Variants in PRSS37 observed in about 807,000 individuals in gnomAD.
PRSS37 encodes probable inactive serine protease 37.
PRSS37 carries 25 observed loss-of-function variants against 28.0 expected under a neutral mutation model. The ratio of observed to expected loss-of-function variants is 0.89; its 90% confidence interval spans 0.65 to 1.25. PRSS37 has a LOEUF of 1.25. Among genes scored for constraint, PRSS37 ranks in the 50% most tolerant of loss-of-function variants. The pLI, the probability that PRSS37 is intolerant of heterozygous loss-of-function variation, is 0.00. For synonymous variants in PRSS37, 109 were observed against 107.8 expected (o/e 1.01, Z -0.07); for missense variants, 282 against 292.2 (o/e 0.97, Z 0.25).
chr7:141,840,859 G>A (rs1314537905), intron 1 of PRSS37, among the ~76,000 whole-genome samples, 157 bp downstream of exon 1: 1 of 152,158 alleles, frequency 6.6e-6, no homozygotes, highest in African/African-American at 2.4e-5. Flanking sequence ...AGCCTATCCG[G>A]AGAGCCTTTG....
At chr7:141,838,363 G>A (rs1300300234) in intron 2 of PRSS37, 2 of 1,352,788 alleles carry the variant, frequency 1.5e-6, no homozygotes, top group African/African-American at 1.5e-5. Context: ...TTAATGTTGT[G>A]TTCTTTAATG....
Position 141,837,204 on chromosome 7 carries a change from A to G in PRSS37, c.475T>C (p.Ser159Pro). 1 of 1,612,676 alleles carries G rather than the reference A, an allele frequency of 6.2e-7. No individual in the cohort carries two copies. Among genetic ancestry groups the G allele is most frequent in the South Asian group, 1.1e-5 (1 of 90,708 alleles). ...LRQNLEAPVMSDRECQKTEQG... is the reference protein window; with the variant it reads ...LRQNLEAPVMPDRECQKTEQG... ...TCTGTTTTTTGGCATTCTCGATCAG[A>G]CATCACGGGGGCCTCCAGGTTCTGC... Residue 159 changes from serine (S) to proline (P), a missense_variant, in exon 4 of 5, where the codon TCT becomes CCT. Coordinates refer to ENST00000350549, the MANE Select transcript of PRSS37 (RefSeq NM_001008270.3).
intron 3 of PRSS37, 112 bp from the exon 4 acceptor site, chr7:141,837,360 T>C: frequency 1.5e-6 from 2 of 1,333,458 alleles, no homozygotes; most frequent in Non-Finnish European, 2.0e-6. Context: ...TTAAAGAAAA[T>C]AAGGAATGCG....
chr7:141,840,149 C>T (rs527301650), intron 1 of PRSS37, among the ~76,000 whole-genome samples: 68 of 152,222 alleles, frequency 4.5e-4, no homozygotes, highest in African/African-American at 1.5e-3. Context: ...AAAGTGTTAG[C>T]ATGTGTTGAC....
Position 141,841,172 on chromosome 7 carries a change from C to T in PRSS37, c.-123G>A. The stretch of plus-strand genomic sequence containing the variant: ...GTGGCTATGGTTAGATACGGAGGCA[C>T]TCCATGGGATTGGAAAGCAGCTCTG... On this transcript the variant is annotated 5_prime_UTR_variant, in exon 1 of 5. It adds an upstream start codon to the 5' untranslated region. Transcript: ENST00000350549. 6.5e-7 allele frequency: 1 copy of T among 1,545,196 alleles called. No individual in the cohort carries two copies. The highest frequency in any genetic ancestry group is 8.8e-7 in the Non-Finnish European group (1 of 1,142,208).
At chr7:141,839,012 TAAAAA>T in intron 2 of PRSS37, 2 of 461,004 alleles carry the variant, frequency 4.3e-6, no homozygotes, top group Admixed American at 2.5e-5. Flanking sequence ...ATACTGCCAG[TAAAAA>T]AAAAAAAAGA....
At chr7:141,838,456 C>A in intron 2 of PRSS37, 4 of 1,170,522 alleles carry the variant, frequency 3.4e-6, no homozygotes. Context: ...TGGTGGAGAC[C>A]AGAGAATAAA....
chr7:141,836,689 C>T (rs1275342514), intron 4 of PRSS37, among the ~76,000 whole-genome samples, 154 bp from the exon 5 acceptor site: 1 of 152,138 alleles, frequency 6.6e-6, no homozygotes, highest in Admixed American at 6.5e-5. Context: ...GATGCTTGAG[C>T]CTTTTTTCTC....
chr7:141,839,097 G>C (rs1801072589), intron 2 of PRSS37: 2 of 632,182 alleles, frequency 3.2e-6, no homozygotes, highest in Non-Finnish European at 5.7e-6. Flanking sequence ...CACTATTGCT[G>C]TTCTGGGCTG....
At position 141,838,007 on chromosome 7, in the gene PRSS37, C is replaced by T. The variant is rs114408449; in HGVS notation, c.283G>A (p.Ala95Thr). 2.4e-4 allele frequency: 394 copies of T among 1,614,080 alleles called. No individual in the cohort carries two copies. The African/African-American group carries it at 4.4e-3, about 18-fold the overall frequency. ...ATGAGCATGAGGTCATCCTGTGGGG[C>T]GCTATGACTGTAGTTCCAGTAGCGG... ...IVRYWNYSHS[A>T]PQDDLMLIKL... is the part of the protein sequence containing the mutation. Residue 95 changes from alanine (A) to threonine (T), a missense_variant, in exon 3 of 5, where the codon GCC (alanine) becomes ACC (threonine). Physicochemically the swap from Ala to Thr is moderately conservative, Grantham distance 58 (BLOSUM62 0). Coordinates refer to ENST00000350549, the MANE Select transcript of PRSS37 (RefSeq NM_001008270.3).
intron 4 of PRSS37, 82 bp from the exon 5 acceptor site, chr7:141,836,617 G>C: frequency 1.3e-6 from 2 of 1,504,862 alleles, no homozygotes; most frequent in Middle Eastern, 1.8e-4. Flanking sequence ...TGTCCCGCTT[G>C]GGTGAGCCCT....
chr7:141,837,894 TAGAC>T lies in PRSS37; in HGVS notation c.392_395del (p.Cys131TyrfsTer26). The stretch of plus-strand genomic sequence containing the variant: ...CTTGGCTCCAGTCCAAACCTGAGAG[TAGAC>T]AGACAGTGCCTGGCCTGACATTGGT... On this transcript the variant is annotated frameshift_variant, in exon 3 of 5. Transcript: ENST00000350549. LOFTEE classifies it high-confidence loss of function. 1.9e-6 allele frequency: 3 copies of T among 1,613,686 alleles called. No homozygotes were observed. Among genetic ancestry groups the T allele is most frequent in the Non-Finnish European group, 2.5e-6 (3 of 1,179,824 alleles).
In PRSS37 at chr7:141,840,928, T is replaced by C. The variant is rs1041125662; in HGVS notation, c.34+88A>G. 1.6e-5 allele frequency: 22 copies of C among 1,350,938 alleles called. No individual in the cohort carries two copies. The East Asian group carries it at 2.5e-4, about 16-fold the overall frequency. 83.7% of individuals were successfully genotyped at this position (1,350,938 alleles called of 1,614,324 possible). The stretch of plus-strand genomic sequence containing the variant: ...CTGATGACACTATTTTTGACTCTTT[T>C]TCTGCACCCTTCGCAATCCTGCCTC... On this transcript the variant is annotated intron_variant, in intron 1 of 4. Coordinates refer to ENST00000350549, the MANE Select transcript of PRSS37 (RefSeq NM_001008270.3).
intron 2 of PRSS37, chr7:141,838,744 C>G (rs1801056713): frequency 4.4e-5 from 13 of 295,954 alleles, no homozygotes; most frequent in South Asian, 4.2e-4. Flanking sequence ...ATCAGGCTGT[C>G]TCCTCACACA....
At chr7:141,836,618 G>A in intron 4 of PRSS37, 83 bp from the exon 5 acceptor site, 1 of 1,491,854 alleles carries the variant, frequency 6.7e-7, no homozygotes. Context: ...GTCCCGCTTG[G>A]GTGAGCCCTG....
intron 4 of PRSS37, among the ~76,000 whole-genome samples, chr7:141,836,866 G>C (rs557973598): frequency 1.3e-5 from 2 of 152,206 alleles, no homozygotes; most frequent in East Asian, 3.9e-4. Context: ...TCACAATTTT[G>C]CTTGTAGTTA....
intron 1 of PRSS37, among the ~76,000 whole-genome samples, chr7:141,840,269 G>A (rs1349808272): frequency 1.3e-5 from 2 of 152,086 alleles, no homozygotes; most frequent in African/African-American, 2.4e-5. Context: ...ACATACCCTA[G>A]AGAATAAAGG....
intron 2 of PRSS37, 41 bp downstream of exon 2, chr7:141,839,297 A>G (rs929808656): frequency 3.1e-6 from 5 of 1,596,954 alleles, no homozygotes; most frequent in Non-Finnish European, 4.3e-6. Flanking sequence ...TCTAGAATGA[A>G]CAGTAGCTGT....
At chr7:141,839,123 T>G (rs1801073677) in intron 2 of PRSS37, 7 of 642,562 alleles carry the variant, frequency 1.1e-5, no homozygotes, top group Non-Finnish European at 8.4e-6. Context: ...ATCTTTATTG[T>G]GGGGACTGTG....
Sources: gnomAD v4.1 joint callset for allele counts (sites outside exome capture counted in the v4.1 genomes callset) on GRCh38, gnomAD v4.1.1 for gene constraint, MANE v1.5 for transcripts, NCBI Gene and HGNC (gene_info 2026-07-23, HGNC 2026-07-21) for gene names.